The following ZNF438 variants were observed in gnomAD, a reference collection of about 807,000 sequenced individuals.
The protein encoded by ZNF438 is zinc finger protein 438.
A neutral mutation model predicts 38.0 loss-of-function variants in ZNF438; 25 were observed. That is an observed-to-expected ratio of 0.66 (90% CI 0.48 to 0.92). The LOEUF (loss-of-function observed/expected upper bound fraction) is 0.92, where lower values mean the gene tolerates loss of function less well. Ranked by LOEUF, ZNF438 falls within the 40% of genes least tolerant of loss-of-function variation. The probability of loss-of-function intolerance (pLI) is 0.00; values close to 1 mark genes in which losing one functional copy is unlikely to be tolerated. For synonymous variants in ZNF438, 372 were observed against 364.1 expected (o/e 1.02, Z -0.25); for missense variants, 1,007 against 999.6 (o/e 1.01, Z -0.10).
chr10:30,938,744 C>T (rs1183583869), intron 2 of ZNF438, among the ~76,000 whole-genome samples: 1 of 151,994 alleles, frequency 6.6e-6, no homozygotes, highest in Non-Finnish European at 1.5e-5. Context: ...TAATATTTTG[C>T]TCCCTATATT....
intron 3 of ZNF438, among the ~76,000 whole-genome samples, chr10:30,883,608 C>T (rs1564564511): frequency 2.6e-5 from 4 of 152,118 alleles, no homozygotes; most frequent in South Asian, 2.1e-4. Flanking sequence ...CTGTGGCTCA[C>T]GCCTGTAATC....
chr10:31,027,630 T>C (rs2057027426), intron 1 of ZNF438, among the ~76,000 whole-genome samples: 2 of 152,276 alleles, frequency 1.3e-5, no homozygotes, highest in South Asian at 2.1e-4. Context: ...ATACCATATA[T>C]GGGTATCTGA....
chr10:30,872,360 AGATTGCAGTGAGCCG>A (rs2037577291), intron 4 of ZNF438, among the ~76,000 whole-genome samples: 1 of 111,786 alleles, frequency 8.9e-6, no homozygotes, highest in Non-Finnish European at 2.3e-5. Context: ...CGGGAGGTGG[AGATTGCAGTGAGCCG>A]AGATTGCACC....
chr10:30,891,772 G>C (rs2040716378), intron 3 of ZNF438, among the ~76,000 whole-genome samples: 1 of 152,114 alleles, frequency 6.6e-6, no homozygotes, highest in Admixed American at 6.5e-5. Context: ...TTAACAAACA[G>C]GCCTATCCTC....
At chr10:30,995,868 T>A (rs1246981250) in intron 1 of ZNF438, among the ~76,000 whole-genome samples, 2 of 152,148 alleles carry the variant, frequency 1.3e-5, no homozygotes, top group Admixed American at 6.5e-5. Context: ...AATACGTACT[T>A]GCTCTCCCTT....
chr10:31,026,567 C>T (rs1185820232), intron 1 of ZNF438, among the ~76,000 whole-genome samples: 1 of 152,116 alleles, frequency 6.6e-6, no homozygotes, highest in African/African-American at 2.4e-5. Flanking sequence ...GTTAGATTGG[C>T]GATCATTAAA....
intron 3 of ZNF438, among the ~76,000 whole-genome samples, chr10:30,884,125 TAGAAG>T (rs143908372): frequency 0.049 from 7,397 of 152,194 alleles, 552 homozygotes; most frequent in African/African-American, 0.17. Flanking sequence ...AATACTATGT[TAGAAG>T]AGGAGTGCCA....
chr10:30,869,390 A>C (rs1397425922), intron 4 of ZNF438, among the ~76,000 whole-genome samples: 1 of 151,934 alleles, frequency 6.6e-6, no homozygotes, highest in African/African-American at 2.4e-5. Flanking sequence ...CAAAACAAAA[A>C]AGAAAAGAAA....
At chr10:31,002,742 T>C (rs2054778745) in intron 1 of ZNF438, among the ~76,000 whole-genome samples, 2 of 152,272 alleles carry the variant, frequency 1.3e-5, no homozygotes, top group Non-Finnish European at 2.9e-5. Flanking sequence ...TATATAACAA[T>C]ACGGAGAAGA....
chr10:30,849,801 C>T (rs935031625), exon 5 of ZNF438: 1 of 1,614,138 alleles, frequency 6.2e-7, no homozygotes, highest in South Asian at 1.1e-5. Context: ...GGTCTCAAGT[C>T]CCCATGGTCA....
At chr10:30,874,243 T>C (rs1025146858) in intron 4 of ZNF438, among the ~76,000 whole-genome samples, 11 of 151,016 alleles carry the variant, frequency 7.3e-5, no homozygotes, top group East Asian at 1.9e-4. Context: ...CAAACTCCTA[T>C]GCTCAAGCAA....
At chr10:30,977,258 C>T (rs1564778584) in intron 1 of ZNF438, among the ~76,000 whole-genome samples, 3 of 152,130 alleles carry the variant, frequency 2.0e-5, no homozygotes, top group African/African-American at 4.8e-5. Flanking sequence ...TAAAGAAAAA[C>T]TTAAAACTCT....
At position 30,933,218 on chromosome 10, in the gene ZNF438, A is replaced by C. The variant is rs570072953; in HGVS notation, c.-115+8357T>G. Among the ~76,000 whole-genome samples the C allele has an allele frequency of 2.4e-4, 37 of 152,314 alleles. No individual in the cohort carries two copies. In the South Asian group the frequency reaches 5.8e-3, roughly 24 times the overall value. On this transcript the variant is annotated intron_variant, in intron 2 of 5. Transcript: ENST00000413025. ...TTAAACCTTCCTCTAAATTCTGTTC[A>C]AAGAAAAACAACAGCCAGGGGTGTT...
chr10:30,995,257 G>T (rs547719568), intron 1 of ZNF438, among the ~76,000 whole-genome samples: 1 of 152,248 alleles, frequency 6.6e-6, no homozygotes, highest in African/African-American at 2.4e-5. Flanking sequence ...AAAGCAGCAA[G>T]AGCAAAATGA....
intron 2 of ZNF438, among the ~76,000 whole-genome samples, chr10:30,936,002 C>A (rs1220856993): frequency 1.3e-5 from 2 of 152,256 alleles, no homozygotes; most frequent in East Asian, 1.9e-4. Flanking sequence ...AACATCCAAA[C>A]TATAGAAGAG....
intron 1 of ZNF438, among the ~76,000 whole-genome samples, chr10:30,999,771 G>A (rs555335187): frequency 1.7e-4 from 26 of 152,090 alleles, no homozygotes; most frequent in Admixed American, 1.6e-3. Flanking sequence ...TTTTTAACTT[G>A]ATCTATGGTC....
At chr10:30,951,769 A>T (rs1362126776) in intron 1 of ZNF438, among the ~76,000 whole-genome samples, 1 of 149,694 alleles carries the variant, frequency 6.7e-6, no homozygotes, top group Non-Finnish European at 1.5e-5. Context: ...CAAATGGAAG[A>T]ACATTCCATG....
At chr10:30,918,009 T>A (rs2043847386) in intron 2 of ZNF438, among the ~76,000 whole-genome samples, 1 of 152,150 alleles carries the variant, frequency 6.6e-6, no homozygotes, top group African/African-American at 2.4e-5. Context: ...AGATTTATAT[T>A]TTTGCTTGTG....
At chr10:30,854,299 G>A (rs1241407729) in intron 4 of ZNF438, among the ~76,000 whole-genome samples, 5 of 152,204 alleles carry the variant, frequency 3.3e-5, no homozygotes, top group Non-Finnish European at 7.3e-5. Context: ...GGGTGACAGA[G>A]CGAGACTCCA....
Sources: allele counts gnomAD v4.1 joint callset (sites outside exome capture counted in the v4.1 genomes callset), GRCh38; gene constraint gnomAD v4.1.1; transcripts MANE v1.5; gene names NCBI Gene and HGNC (gene_info 2026-07-23, HGNC 2026-07-21).